Variants in ZFAT observed in about 807,000 individuals in gnomAD.
ZFAT encodes zinc finger protein ZFAT.
ZFAT carries 64 observed loss-of-function variants against 117.7 expected under a neutral mutation model. The ratio of observed to expected loss-of-function variants is 0.54; its 90% CI spans 0.44 to 0.67. ZFAT has a LOEUF of 0.67. Ranked by LOEUF, ZFAT falls within the 30% of genes least tolerant of loss-of-function variation. ZFAT has a pLI of 0.00. For synonymous variants in ZFAT, 679 were observed against 615.0 expected, an observed-to-expected ratio of 1.10 and a Z score of -1.54; for missense variants, 1,433 against 1,584.5, an observed-to-expected ratio of 0.90 and a Z score of 1.62.
Position 134,602,505 on chromosome 8 carries a change from T to G in ZFAT, c.1214A>C (p.Asp405Ala), listed in dbSNP as rs1455744717. ...TREGKRQLLY[D>A]CHICERKFKN... is the part of the protein sequence containing the mutation. Reference sequence around the variant, plus strand: ...GAACTTGCGCTCACAGATGTGGCAGTCATAGAGCAGCTGCCGCTTGCCCTC... The same window carrying G: ...GAACTTGCGCTCACAGATGTGGCAGGCATAGAGCAGCTGCCGCTTGCCCTC... Residue 405 changes from aspartate to alanine, a missense_variant, in exon 6 of 16, where the codon GAC (aspartate) becomes GCC (alanine). Around this residue, in one of 5 missense-constraint regions of ZFAT, gnomAD observed 73 missense variants for 122.0 expected, o/e 0.60. Coordinates refer to ENST00000377838, the MANE Select transcript of ZFAT (RefSeq NM_020863.4). 6.2e-7 allele frequency: 1 copy of G among 1,613,886 alleles called. No homozygotes were observed. Among genetic ancestry groups the G allele is most frequent in the African/African-American group, 1.3e-5 (1 of 75,046 alleles).
At chr8:134,494,472 C>T (rs1323334559) in intron 15 of ZFAT, among the ~76,000 whole-genome samples, 1 of 152,196 alleles carries the variant, frequency 6.6e-6, no homozygotes, top group Admixed American at 6.5e-5. Context: ...AAGCGCCTGG[C>T]TCCTTTCCTC....
At chr8:134,652,805 A>T (rs1477112641) in intron 2 of ZFAT, among the ~76,000 whole-genome samples, 1 of 152,218 alleles carries the variant, frequency 6.6e-6, no homozygotes, top group Non-Finnish European at 1.5e-5. Context: ...AAAACAGAAG[A>T]TCTTAGATCC....
chr8:134,540,233 A>G (rs902083650), intron 11 of ZFAT, among the ~76,000 whole-genome samples: 3 of 152,216 alleles, frequency 2.0e-5, no homozygotes, highest in African/African-American at 7.2e-5. Context: ...CGGAAGAAGG[A>G]CAAGAGAGGA....
chr8:134,699,838 G>A (rs554420257), intron 1 of ZFAT, among the ~76,000 whole-genome samples: 4 of 152,358 alleles, frequency 2.6e-5, no homozygotes, highest in Admixed American at 1.3e-4. Flanking sequence ...GGTTAAGAAC[G>A]TGAGTGCTAG....
chr8:134,509,474 G>T, intron 15 of ZFAT, 145 bp downstream of exon 15: 1 of 1,080,914 alleles, frequency 9.3e-7, no homozygotes, highest in Non-Finnish European at 1.3e-6. Flanking sequence ...GAGATCAGAG[G>T]TAGAATAAGA....
intron 10 of ZFAT, among the ~76,000 whole-genome samples, chr8:134,575,699 C>T (rs2130814351): frequency 6.6e-6 from 1 of 152,278 alleles, no homozygotes; most frequent in Non-Finnish European, 1.5e-5. Context: ...CTCTGGAGCA[C>T]AAGGTTTTCC....
chr8:134,688,929 C>T (rs540529109), intron 1 of ZFAT, among the ~76,000 whole-genome samples: 65 of 152,258 alleles, frequency 4.3e-4, no homozygotes, highest in African/African-American at 1.5e-3. Flanking sequence ...TTTCAAAATG[C>T]AGGAGTTTAT....
At chr8:134,555,386 G>GT (rs1823499079) in intron 11 of ZFAT, among the ~76,000 whole-genome samples, 1 of 152,240 alleles carries the variant, frequency 6.6e-6, no homozygotes, top group Non-Finnish European at 1.5e-5. Context: ...TTTAGAAAGT[G>GT]TAAGCTCCTC....
chr8:134,651,932 C>G (rs561922339), intron 2 of ZFAT, among the ~76,000 whole-genome samples: 81 of 151,922 alleles, frequency 5.3e-4, no homozygotes, highest in Non-Finnish European at 9.3e-4. Context: ...ACAATAAAAG[C>G]CAGGATTCAA....
chr8:134,567,600 C>T (rs1824565691), intron 10 of ZFAT, among the ~76,000 whole-genome samples: 1 of 152,140 alleles, frequency 6.6e-6, no homozygotes, highest in African/African-American at 2.4e-5. Flanking sequence ...CCATCAGAAC[C>T]AACCAATGGC....
intron 2 of ZFAT, among the ~76,000 whole-genome samples, chr8:134,645,330 C>T (rs1313956799): frequency 6.6e-6 from 1 of 152,094 alleles, no homozygotes; most frequent in Admixed American, 6.5e-5. Flanking sequence ...CTCTACAAGC[C>T]TCAAATTTTA....
intron 12 of ZFAT, among the ~76,000 whole-genome samples, chr8:134,528,439 C>T (rs1054481539): frequency 3.3e-5 from 5 of 152,184 alleles, no homozygotes; most frequent in African/African-American, 1.2e-4. Flanking sequence ...AAATCAAATA[C>T]ATCACCTGTG....
At chr8:134,597,371 C>T (rs1324822769) in intron 7 of ZFAT, among the ~76,000 whole-genome samples, 1 of 152,136 alleles carries the variant, frequency 6.6e-6, no homozygotes, top group African/African-American at 2.4e-5. Context: ...TTCAGTAATT[C>T]AATAACCTGG....
chr8:134,593,246 C>A (rs1826662679), intron 7 of ZFAT, among the ~76,000 whole-genome samples: 1 of 151,964 alleles, frequency 6.6e-6, no homozygotes, highest in South Asian at 2.1e-4. Flanking sequence ...TTCTTTTAAT[C>A]TCTGATAGTC....
intron 1 of ZFAT, among the ~76,000 whole-genome samples, chr8:134,676,505 T>C (rs1217101725): frequency 6.6e-6 from 1 of 152,170 alleles, no homozygotes; most frequent in Non-Finnish European, 1.5e-5. Flanking sequence ...TGGGAAACTT[T>C]AACACCTCAC....
chr8:134,822,001 T>C, the ZFAT span, among the ~76,000 whole-genome samples: 1 of 152,138 alleles, frequency 6.6e-6, no homozygotes, highest in Admixed American at 6.6e-5. Context: ...TAACAATAGA[T>C]AACATTAAAG....
intron 11 of ZFAT, among the ~76,000 whole-genome samples, chr8:134,550,326 A>AAAAAAAAAAC (rs1823058945): frequency 6.8e-6 from 1 of 147,344 alleles, no homozygotes; most frequent in Non-Finnish European, 1.5e-5. Flanking sequence ...AAAAAAAAAA[A>AAAAAAAAAAC]AAAAAACAGC....
At chr8:134,722,611 G>A in the ZFAT span, among the ~76,000 whole-genome samples, 1 of 152,200 alleles carries the variant, frequency 6.6e-6, no homozygotes, top group African/African-American at 2.4e-5. Flanking sequence ...CACATGCTGA[G>A]AGCCCACCTC....
intron 15 of ZFAT, among the ~76,000 whole-genome samples, chr8:134,493,350 A>C (rs1818189519): frequency 1.3e-5 from 2 of 152,168 alleles, no homozygotes; most frequent in Non-Finnish European, 2.9e-5. Flanking sequence ...TCATTGAGAG[A>C]GAAGGGCCTT....
Sources: gnomAD v4.1 joint callset for allele counts (sites outside exome capture counted in the v4.1 genomes callset) on GRCh38, gnomAD v4.1.1 for gene constraint, gnomAD v4.1.1 regional missense constraint, MANE v1.5 for transcripts, NCBI Gene and HGNC (gene_info 2026-07-23, HGNC 2026-07-21) for gene names.